The following SYNPO2 variants were observed in gnomAD, a reference collection of about 807,000 sequenced individuals.
The protein encoded by SYNPO2 is synaptopodin 2.
In SYNPO2, 56 loss-of-function variants were observed where a neutral mutation model predicts 85.0. The ratio of observed to expected loss-of-function variants is 0.66; its 90% CI spans 0.53 to 0.82. The LOEUF (loss-of-function observed/expected upper bound fraction) is 0.82. Ranked by LOEUF, SYNPO2 falls within the 40% of genes least tolerant of loss-of-function variation. The probability of loss-of-function intolerance (pLI) is 0.00; values close to 1 mark genes in which losing one functional copy is unlikely to be tolerated. For missense variants in SYNPO2, 1,575 were observed against 1,534.2 expected (o/e 1.03, Z -0.44); for synonymous variants, 602 against 591.1 (o/e 1.02, Z -0.27).
chr4:118,900,328 A>G (rs1732679314), intron 1 of SYNPO2, among the ~76,000 whole-genome samples: 1 of 152,222 alleles, frequency 6.6e-6, no homozygotes, highest in Non-Finnish European at 1.5e-5. Flanking sequence ...GTCATCACAG[A>G]AAACGTCAAC....
chr4:118,997,206 C>G (rs1451211326), intron 1 of SYNPO2, among the ~76,000 whole-genome samples: 1 of 134,552 alleles, frequency 7.4e-6, no homozygotes, highest in Non-Finnish European at 1.5e-5. Context: ...CGCCACTGCA[C>G]TCCAGCCTGG....
In SYNPO2 at chr4:119,030,181, T is replaced by C. The variant is rs1203478083; in HGVS notation, c.1406T>C (p.Val469Ala). ...AACTTTGACTGGGATTCTGGACTGG[T>C]GGACATTGAAAAGAAACTGAACAGA... is the stretch of plus-strand genomic sequence containing the variant. ...VVNFDWDSGL[V>A]DIEKKLNRGD... The change falls in exon 4 of 5, where the codon GTG (valine) becomes GCG (alanine). Residue 469 changes from valine (V) to alanine (A), a missense_variant. Around this residue, in one of 3 missense-constraint regions of SYNPO2, gnomAD observed 1,508 missense variants for 1,446.8 expected, o/e 1.04. Coordinates refer to ENST00000307142, the MANE Select transcript of SYNPO2 (RefSeq NM_133477.3). The C allele has an allele frequency of 6.2e-7, 1 of 1,613,866 alleles. No individual in the cohort carries two copies. Among genetic ancestry groups the C allele is most frequent in the Admixed American group, 1.7e-5 (1 of 59,996 alleles).
intron 1 of SYNPO2, among the ~76,000 whole-genome samples, chr4:119,017,125 T>C (rs1737553928): frequency 6.6e-6 from 1 of 152,186 alleles, no homozygotes; most frequent in African/African-American, 2.4e-5. Context: ...GTACTGAGTG[T>C]AGAATAACCA....
At chr4:118,862,067 G>A (rs1025391583) in intron 1 of SYNPO2, among the ~76,000 whole-genome samples, 1 of 151,768 alleles carries the variant, frequency 6.6e-6, no homozygotes, top group Non-Finnish European at 1.5e-5. Context: ...CACTTTTTTG[G>A]TTGATTGCTA....
At chr4:119,037,374 C>A in intron 4 of SYNPO2, 1 of 1,229,040 alleles carries the variant, frequency 8.1e-7, no homozygotes, top group Non-Finnish European at 1.0e-6. Context: ...TTGTACTTGG[C>A]CCTGAGTTGA....
intron 1 of SYNPO2, among the ~76,000 whole-genome samples, chr4:118,872,871 T>C (rs750222729): frequency 3.6e-5 from 4 of 110,430 alleles, no homozygotes; most frequent in African/African-American, 6.4e-5. Flanking sequence ...CCACACTTTA[T>C]GTCCATGTGT....
At chr4:118,991,612 A>T (rs1213835658) in intron 1 of SYNPO2, among the ~76,000 whole-genome samples, 1 of 152,162 alleles carries the variant, frequency 6.6e-6, no homozygotes, top group East Asian at 1.9e-4. Flanking sequence ...GTGGGGGAGA[A>T]GAAGAGAAAG....
chr4:118,962,393 G>A (rs1735133364), intron 1 of SYNPO2, among the ~76,000 whole-genome samples: 1 of 152,108 alleles, frequency 6.6e-6, no homozygotes, highest in African/African-American at 2.4e-5. Flanking sequence ...AAATGTTCCT[G>A]CAAAGCAAAA....
rs979401386 is a variant in SYNPO2, at chr4:119,061,186, T to C, written c.*3252T>C. 3 of 152,202 alleles carry C rather than the reference T, an allele frequency of 2.0e-5. No homozygotes were observed. Among genetic ancestry groups the C allele is most frequent in the African/African-American group, 7.2e-5 (3 of 41,470 alleles). The allele number at this position is 152,202 out of a possible 1,614,324, so 9.4% of individuals were successfully genotyped here. ...CTTCTGTTTATCACAAAAGACTGTA[T>C]TTGAAATATGCATACGGAAAATTGA... On this transcript the variant is annotated 3_prime_UTR_variant, in exon 5 of 5. Coordinates refer to ENST00000307142, the MANE Select transcript of SYNPO2 (RefSeq NM_133477.3).
At chr4:118,907,263 T>C (rs1732969943) in intron 1 of SYNPO2, among the ~76,000 whole-genome samples, 1 of 152,260 alleles carries the variant, frequency 6.6e-6, no homozygotes, top group African/African-American at 2.4e-5. Context: ...GATCTTTTTA[T>C]AAATCTAACT....
intron 1 of SYNPO2, among the ~76,000 whole-genome samples, chr4:119,018,133 A>G (rs921785092): frequency 1.3e-5 from 2 of 152,124 alleles, no homozygotes; most frequent in Non-Finnish European, 2.9e-5. Flanking sequence ...TGGTGTTGGT[A>G]AAACAAATCT....
At chr4:118,945,037 G>C (rs1027860743) in intron 1 of SYNPO2, among the ~76,000 whole-genome samples, 17 of 152,094 alleles carry the variant, frequency 1.1e-4, no homozygotes, top group Non-Finnish European at 4.4e-5. Context: ...CATAATTATG[G>C]TATTTATCTT....
chr4:118,969,425 T>G (rs915103042), intron 1 of SYNPO2, among the ~76,000 whole-genome samples: 6 of 152,024 alleles, frequency 3.9e-5, no homozygotes, highest in African/African-American at 1.5e-4. Flanking sequence ...TACGTTTCTC[T>G]CCCGATGGTA....
intron 1 of SYNPO2, among the ~76,000 whole-genome samples, chr4:118,995,508 T>C (rs1157992614): frequency 6.6e-6 from 1 of 152,208 alleles, no homozygotes; most frequent in Non-Finnish European, 1.5e-5. Flanking sequence ...AGTTTGTTAA[T>C]TAAATAACTT....
In SYNPO2 at chr4:119,022,759, T is replaced by G. The variant is rs865903783; in HGVS notation, c.106-671T>G. On this transcript the variant is annotated intron_variant, in intron 1 of 4. Coordinates refer to ENST00000307142, the MANE Select transcript of SYNPO2 (RefSeq NM_133477.3). ...TATTTTATGTTTTATTTTATTTTAT[T>G]TTATATTTTATTTTATTTTATTTTA... Among the ~76,000 whole-genome samples the G allele has an allele frequency of 2.2e-5, 3 of 138,302 alleles. No individual in the cohort carries two copies. In the South Asian group the frequency reaches 6.5e-4, roughly 30 times the overall value. The allele number at this position is 138,302 out of a possible 152,430, so 90.7% of individuals were successfully genotyped here.
intron 1 of SYNPO2, among the ~76,000 whole-genome samples, chr4:119,011,635 G>A (rs543300258): frequency 3.3e-4 from 50 of 152,182 alleles, no homozygotes; most frequent in Admixed American, 2.0e-4. Context: ...AGAGGTTTAG[G>A]AGTGCCTGTT....
Position 119,032,000 on chromosome 4 carries a change from A to C in SYNPO2, c.3225A>C (p.Ser1075=). 6.2e-7 allele frequency: 1 copy of C among 1,614,208 alleles called. No individual in the cohort carries two copies. The highest frequency in any genetic ancestry group is 8.5e-7 in the Non-Finnish European group (1 of 1,180,034). Residue 1075 remains serine, a synonymous_variant, in exon 4 of 5, where the codon TCA becomes TCC. Transcript: ENST00000307142. ...TTGTGGCACCAAGGCCAAAGTTCTC[A>C]GCCAAGAAAAGTGGTGTCACAATTC... is the stretch of plus-strand genomic sequence containing the variant. ...SYFVAPRPKF[S]AKKSGVTIQE... is the part of the protein sequence containing the mutation.
chr4:118,954,408 C>T (rs1315973417), intron 1 of SYNPO2, among the ~76,000 whole-genome samples: 1 of 152,004 alleles, frequency 6.6e-6, no homozygotes, highest in African/African-American at 2.4e-5. Flanking sequence ...AATGGTAATA[C>T]AAAGTGCCCT....
chr4:119,026,819 C>A lies in SYNPO2; in HGVS notation c.450C>A (p.Pro150=), dbSNP rs770991817. 6.2e-7 allele frequency: 1 copy of A among 1,613,996 alleles called. No homozygotes were observed. The highest frequency in any genetic ancestry group is 1.1e-5 in the South Asian group (1 of 91,072). The change falls in exon 3 of 5, where the codon CCC becomes CCA. Residue 150 remains proline (P), a synonymous_variant. Coordinates refer to ENST00000307142, the MANE Select transcript of SYNPO2 (RefSeq NM_133477.3). Reference sequence around the variant, plus strand: ...TAGCTGAGAACCAAAGAAGTGGTCCCGACTGTGCAGGCAGCTTGAAAGAAG... The same window carrying A: ...TAGCTGAGAACCAAAGAAGTGGTCCAGACTGTGCAGGCAGCTTGAAAGAAG... ...VPLAENQRSG[P]DCAGSLKEET...
Sources: allele counts gnomAD v4.1 joint callset (sites outside exome capture counted in the v4.1 genomes callset), GRCh38; gene constraint gnomAD v4.1.1; regional missense constraint gnomAD v4.1.1; transcripts MANE v1.5; gene names NCBI Gene and HGNC (gene_info 2026-07-23, HGNC 2026-07-21).